Variants in F5 observed in about 807,000 individuals in gnomAD.
F5 encodes activated protein c cofactor.
In F5, 138 loss-of-function variants were observed where a neutral mutation model predicts 216.4. The observed-to-expected ratio is 0.64, with a 90% CI of 0.56 to 0.73. F5 has a LOEUF of 0.73. Among genes scored for constraint, F5 ranks in the 30% least tolerant of loss-of-function variants. The probability of loss-of-function intolerance (pLI) is 0.00; values close to 1 mark genes in which losing one functional copy is unlikely to be tolerated. For synonymous variants in F5, 916 were observed against 930.7 expected (o/e 0.98, Z 0.29); for missense variants, 2,403 against 2,674.0 (o/e 0.90, Z 2.24).
At position 169,512,825 on chromosome 1, in the gene F5, A is replaced by G. The variant is rs75764442; in HGVS notation, c.*1488T>C. On this transcript the variant is annotated 3_prime_UTR_variant, in exon 25 of 25. Coordinates refer to ENST00000367797, the MANE Select transcript of F5 (RefSeq NM_000130.5). ...TCTGGTAGTTTCTAAAGATGCTCCC[A>G]GTGAATTATGCCTCCTGGTATGTGG... Among the ~76,000 whole-genome samples, 1,022 of 152,222 alleles carry G rather than the reference A, an allele frequency of 6.7e-3. 9 individuals carry two copies. The highest frequency in any genetic ancestry group is 0.024 in the African/African-American group (979 of 41,562).
chr1:169,556,621 C>T, intron 6 of F5, 25 bp downstream of exon 6: 1 of 1,610,752 alleles, frequency 6.2e-7, no homozygotes, highest in Non-Finnish European at 8.5e-7. Context: ...CATTGAGAAG[C>T]AAGACTGTCA....
rs1392771243 is a variant in F5 at position 169,540,517 on chromosome 1, T to C, written c.4573A>G (p.Ile1525Val). 6.2e-7 allele frequency: 1 copy of C among 1,613,982 alleles called. No individual in the cohort carries two copies. Residue 1525 changes from isoleucine to valine, a missense_variant, in exon 13 of 25, where the codon ATC (isoleucine) becomes GTC (valine). Ile to Val is a conservative substitution (Grantham distance 29, BLOSUM62 3). This residue lies in a region of F5 where 293 missense variants were observed against 270.8 expected (regional missense o/e 1.08). Coordinates refer to ENST00000367797, the MANE Select transcript of F5 (RefSeq NM_000130.5). ...LSKDGTDYIE[I>V]IPKEEVQSSE... is the part of the protein sequence containing the mutation. ...CTCTGGACCTCTTCCTTTGGAATGA[T>C]CTCAATGTAATCTGTACCATCTTTA...
chr1:169,530,031 C>A (rs922222892), intron 15 of F5, among the ~76,000 whole-genome samples: 1 of 152,028 alleles, frequency 6.6e-6, no homozygotes, highest in Non-Finnish European at 1.5e-5. Context: ...ATCCCAGTAA[C>A]AATGATGATA....
chr1:169,544,270 C>A, intron 12 of F5, 26 bp downstream of exon 12: 4 of 1,600,264 alleles, frequency 2.5e-6, no homozygotes, highest in Non-Finnish European at 3.4e-6. Context: ...CAAGCTTCCT[C>A]TGTGAGTGTC....
At chr1:169,536,168 G>GCCA (rs1232849988) in intron 14 of F5, among the ~76,000 whole-genome samples, 4 of 151,780 alleles carry the variant, frequency 2.6e-5, no homozygotes, top group South Asian at 2.1e-4. Flanking sequence ...CACTGCTACT[G>GCCA]CCACCACCAC....
In F5 at chr1:169,523,208, T is replaced by C; in HGVS notation, c.6037A>G (p.Arg2013Gly). 1 of 1,614,108 alleles carries C rather than the reference T, an allele frequency of 6.2e-7. No individual in the cohort carries two copies. The highest frequency in any genetic ancestry group is 8.5e-7 in the Non-Finnish European group (1 of 1,179,962). Residue 2013 changes from arginine (R) to glycine (G), a missense_variant, in exon 21 of 25, where the codon AGG (arginine) becomes GGG (glycine). By Grantham distance (125) the Arg-to-Gly change is moderately radical. Around this residue, in one of 4 missense-constraint regions of F5, gnomAD observed 659 missense variants for 787.9 expected, o/e 0.84. Transcript: ENST00000367797. ...NWQIFKGNST[R>G]NVMYFNGNSD... is the part of the protein sequence containing the mutation. ...ATATGCACACAAACCATCACATTCC[T>C]TGTGCTGTTCCCTTTGAAGATCTGC...
At position 169,583,527 on chromosome 1, in the gene F5, C is replaced by T. The variant is rs117018487; in HGVS notation, c.159-1005G>A. Among the ~76,000 whole-genome samples the T allele has an allele frequency of 1.1e-3, 170 of 152,254 alleles. 6 individuals carry two copies. The East Asian group carries it at 0.03, about 27-fold the overall frequency. On this transcript the variant is annotated intron_variant, in intron 1 of 24. Transcript: ENST00000367797. The stretch of plus-strand genomic sequence containing the variant: ...AAAAGTTTACTTCATCCATTTGTGC[C>T]TCAGTTTCTACAACTATGAAATGAG...
chr1:169,561,913 CTCTTCCCTTTCTTT>C (rs1557927033), intron 3 of F5, among the ~76,000 whole-genome samples: 1 of 151,846 alleles, frequency 6.6e-6, no homozygotes, highest in Non-Finnish European at 1.5e-5. Flanking sequence ...CCCTTCCTTT[CTCTTCCCTTTCTTT>C]TCTTTTTCCT....
At chr1:169,533,599 A>G (rs1295350745) in intron 14 of F5, among the ~76,000 whole-genome samples, 1 of 152,222 alleles carries the variant, frequency 6.6e-6, no homozygotes, top group Non-Finnish European at 1.5e-5. Context: ...ATGAACAGAT[A>G]CTTATCAAAA....
chr1:169,575,502 A>T (rs1027199324), intron 2 of F5, among the ~76,000 whole-genome samples: 6 of 152,178 alleles, frequency 3.9e-5, no homozygotes, highest in Non-Finnish European at 8.8e-5. Context: ...TTTGTGGAGG[A>T]TGATCTCGGA....
intron 24 of F5, 134 bp downstream of exon 24, chr1:169,515,310 A>G (rs1277335543): frequency 1.8e-6 from 2 of 1,086,954 alleles, no homozygotes; most frequent in Non-Finnish European, 2.8e-6. Flanking sequence ...GAGACCAGGC[A>G]CCTTAAGAAC....
At position 169,541,422 on chromosome 1, in the gene F5, G is replaced by A; in HGVS notation, c.3668C>T (p.Ser1223Phe). 1 of 1,613,864 alleles carries A rather than the reference G, an allele frequency of 6.2e-7. No homozygotes were observed. The highest frequency in any genetic ancestry group is 2.2e-5 in the East Asian group (1 of 44,858). Reference protein sequence around the residue: ...LSPELIQRNLSPALGQMPISP... With the variant: ...LSPELIQRNLFPALGQMPISP... ...AATGGGCATCTGACCGAGGGCTGGG[G>A]AAAGGTTTCTCTGAATGAGTTCTGG... The change falls in exon 13 of 25, where the codon TCC (serine) becomes TTC (phenylalanine). Residue 1223 changes from serine (S) to phenylalanine (F), a missense_variant. Around this residue, in one of 4 missense-constraint regions of F5, gnomAD observed 1,425 missense variants for 1,554.8 expected, o/e 0.92. Coordinates refer to ENST00000367797, the MANE Select transcript of F5 (RefSeq NM_000130.5).
At chr1:169,553,678 C>A (rs144345500) in intron 7 of F5, among the ~76,000 whole-genome samples, 1 of 152,160 alleles carries the variant, frequency 6.6e-6, no homozygotes, top group Non-Finnish European at 1.5e-5. Flanking sequence ...GCAGAGATTG[C>A]GCCACTGCAC....
At chr1:169,544,234 G>T in intron 12 of F5, 62 bp downstream of exon 12, 1 of 1,419,516 alleles carries the variant, frequency 7.0e-7, no homozygotes, top group South Asian at 1.2e-5. Context: ...AGTTGCAGCA[G>T]ACCTTTATAG....
intron 4 of F5, 105 bp downstream of exon 4, chr1:169,560,449 T>C: frequency 9.4e-7 from 1 of 1,059,846 alleles, no homozygotes; most frequent in Non-Finnish European, 1.5e-6. Flanking sequence ...TTCCTCTGCT[T>C]GATGTACAAG....
chr1:169,526,084 CT>C, intron 17 of F5, 67 bp from the exon 18 acceptor site: 1 of 1,066,192 alleles, frequency 9.4e-7, no homozygotes, highest in South Asian at 1.3e-5. Context: ...TGATAGTTCT[CT>C]AAGAATCCTA....
At chr1:169,556,584 G>A in intron 6 of F5, 62 bp downstream of exon 6, 1 of 1,514,294 alleles carries the variant, frequency 6.6e-7, no homozygotes, top group Non-Finnish European at 9.2e-7. Flanking sequence ...GAAAGAGGGA[G>A]TTAGTGCATG....
chr1:169,519,658 G>A (rs1166256167), intron 22 of F5, among the ~76,000 whole-genome samples: 1 of 152,120 alleles, frequency 6.6e-6, no homozygotes, highest in Non-Finnish European at 1.5e-5. Context: ...CCACCCAAAG[G>A]GAAGTACTGC....
At chr1:169,563,376 T>A (rs1322551211) in intron 3 of F5, among the ~76,000 whole-genome samples, 1 of 152,086 alleles carries the variant, frequency 6.6e-6, no homozygotes, top group Non-Finnish European at 1.5e-5. Context: ...TACATTACAT[T>A]TGGGAATTTT....
Sources: gnomAD v4.1 joint callset for allele counts (sites outside exome capture counted in the v4.1 genomes callset) on GRCh38, gnomAD v4.1.1 for gene constraint, gnomAD v4.1.1 regional missense constraint, MANE v1.5 for transcripts, NCBI Gene and HGNC (gene_info 2026-07-23, HGNC 2026-07-21) for gene names.